Variants in SOX6 observed in about 807,000 individuals in gnomAD.
SOX6 encodes SRY-box transcription factor 6, also known as transcription factor SOX-6.
SOX6 carries 11 observed loss-of-function variants against 97.8 expected under a neutral mutation model. The observed-to-expected ratio is 0.11, with a 90% CI of 0.07 to 0.19. The LOEUF (loss-of-function observed/expected upper bound fraction) is 0.19. SOX6 is among the 10% of genes least tolerant of loss of function. SOX6 has a pLI of 1.00. For missense variants in SOX6, 810 were observed against 1,039.5 expected, an observed-to-expected ratio of 0.78 and a Z score of 3.04; for synonymous variants, 360 against 371.4, an observed-to-expected ratio of 0.97 and a Z score of 0.35.
At chr11:16,282,064 A>G (rs890115721) in intron 3 of SOX6, among the ~76,000 whole-genome samples, 2 of 149,714 alleles carry the variant, frequency 1.3e-5, no homozygotes, top group Admixed American at 6.7e-5. Flanking sequence ...CAGGACATAC[A>G]ATGCACACTA....
rs56009383 is a variant in SOX6, at chr11:16,624,439, G to A, written n.430-12179C>T. On this transcript the variant is annotated intron_variant and non_coding_transcript_variant, in intron 3 of 5. Coordinates refer to the SOX6 transcript ENST00000524520. ...TTGACCTCACGATCTGCCTCCCAAA[G>A]TGCTGGGATTACAGGCATGAGCCAC... Among the ~76,000 whole-genome samples the A allele has an allele frequency of 1.9e-3, 286 of 152,178 alleles. 1 individual carries two copies. Among genetic ancestry groups the A allele is most frequent in the Non-Finnish European group, 2.7e-3 (181 of 68,008 alleles).
chr11:16,488,173 A>G (rs1286550425), intron 4 of SOX6, among the ~76,000 whole-genome samples: 1 of 152,206 alleles, frequency 6.6e-6, no homozygotes, highest in Non-Finnish European at 1.5e-5. Flanking sequence ...ATCCTTACTC[A>G]TCACTTACTG....
chr11:16,035,058 A>G (rs1337454293), intron 12 of SOX6, among the ~76,000 whole-genome samples: 4 of 152,210 alleles, frequency 2.6e-5, no homozygotes, highest in African/African-American at 4.8e-5. Context: ...TATACCCACA[A>G]TGAGAAAGAC....
chr11:16,388,279 C>T (rs895714380), intron 1 of SOX6, among the ~76,000 whole-genome samples: 14 of 152,020 alleles, frequency 9.2e-5, no homozygotes, highest in Admixed American at 7.2e-4. Flanking sequence ...CCTACTTGGT[C>T]GTGATATTTC....
intron 2 of SOX6, among the ~76,000 whole-genome samples, chr11:16,725,294 T>C (rs1262211020): frequency 1.3e-5 from 2 of 152,122 alleles, no homozygotes; most frequent in African/African-American, 2.4e-5. Context: ...AAGGCCAAAG[T>C]GGGTGGACCC....
At chr11:16,475,368 C>T (rs1244264320) in intron 1 of SOX6, among the ~76,000 whole-genome samples, 1 of 152,124 alleles carries the variant, frequency 6.6e-6, no homozygotes, top group Non-Finnish European at 1.5e-5. Context: ...AGTTGTCATT[C>T]GTAGCTGTTG....
intron 4 of SOX6, among the ~76,000 whole-genome samples, chr11:16,564,223 C>T (rs4414184): frequency 0.011 from 1,714 of 152,276 alleles, 21 homozygotes; most frequent in South Asian, 0.033. Context: ...GGATTTCCTT[C>T]TCCTCCTGAA....
intron 4 of SOX6, among the ~76,000 whole-genome samples, chr11:16,220,852 ACCCAC>A (rs1852518316): frequency 6.6e-6 from 1 of 152,002 alleles, no homozygotes; most frequent in Non-Finnish European, 1.5e-5. Context: ...CATGAATCAA[ACCCAC>A]ATGTGATCAA....
At chr11:16,132,710 T>C (rs555774188) in intron 6 of SOX6, among the ~76,000 whole-genome samples, 32 of 146,888 alleles carry the variant, frequency 2.2e-4, no homozygotes, top group Non-Finnish European at 3.9e-4. Context: ...TTTTTTTTTT[T>C]GTTCCATTTA....
At chr11:16,437,059 C>A (rs1004331788) in intron 1 of SOX6, among the ~76,000 whole-genome samples, 7 of 151,356 alleles carry the variant, frequency 4.6e-5, no homozygotes, top group African/African-American at 1.7e-4. Context: ...GAGATTGACA[C>A]CAGCCTGGTC....
At chr11:16,327,126 C>T (rs1390171971) in intron 2 of SOX6, among the ~76,000 whole-genome samples, 1 of 152,104 alleles carries the variant, frequency 6.6e-6, no homozygotes, top group East Asian at 1.9e-4. Flanking sequence ...GTATAACTGT[C>T]ACTGCATTCT....
chr11:16,609,553 G>A (rs890850111), intron 4 of SOX6, among the ~76,000 whole-genome samples: 1 of 152,204 alleles, frequency 6.6e-6, no homozygotes, highest in Non-Finnish European at 1.5e-5. Flanking sequence ...TCCTACAGAT[G>A]AAGTGATCAA....
chr11:16,135,400 T>G (rs912248384), intron 6 of SOX6, among the ~76,000 whole-genome samples: 1 of 152,200 alleles, frequency 6.6e-6, no homozygotes, highest in Non-Finnish European at 1.5e-5. Flanking sequence ...CAAAATAAAT[T>G]GAAAACCTTC....
At chr11:16,381,384 G>C (rs533558762) in intron 1 of SOX6, among the ~76,000 whole-genome samples, 3 of 151,972 alleles carry the variant, frequency 2.0e-5, no homozygotes, top group Non-Finnish European at 4.4e-5. Context: ...AGCTGATAGA[G>C]CATCAACAAA....
intron 1 of SOX6, among the ~76,000 whole-genome samples, chr11:16,375,834 A>G (rs903790857): frequency 6.6e-6 from 1 of 152,140 alleles, no homozygotes; most frequent in Non-Finnish European, 1.5e-5. Flanking sequence ...CATATACACC[A>G]TGGAATACTA....
intron 6 of SOX6, among the ~76,000 whole-genome samples, chr11:16,169,823 G>A (rs1220166493): frequency 1.3e-5 from 2 of 151,862 alleles, no homozygotes; most frequent in Non-Finnish European, 2.9e-5. Flanking sequence ...ACACCACCAT[G>A]AGGTGCTGAT....
intron 4 of SOX6, chr11:16,484,466 T>G: frequency 2.5e-6 from 2 of 807,722 alleles, no homozygotes; most frequent in Non-Finnish European, 4.5e-6. Context: ...CTCCTCGCAC[T>G]TCACCACCTG....
intron 4 of SOX6, among the ~76,000 whole-genome samples, chr11:16,530,564 G>T (rs1279820008): frequency 6.6e-6 from 1 of 151,950 alleles, no homozygotes; most frequent in Non-Finnish European, 1.5e-5. Flanking sequence ...ACCACCTCAT[G>T]TTCAAGCAAG....
intron 4 of SOX6, among the ~76,000 whole-genome samples, chr11:16,537,578 A>G (rs1861329136): frequency 6.6e-6 from 1 of 152,208 alleles, no homozygotes. Flanking sequence ...AAAACCTTGA[A>G]AAAAGGTTAG....
Sources: gnomAD v4.1 joint callset for allele counts (sites outside exome capture counted in the v4.1 genomes callset) on GRCh38, gnomAD v4.1.1 for gene constraint, MANE v1.5 for transcripts, NCBI Gene and HGNC (gene_info 2026-07-23, HGNC 2026-07-21) for gene names.